The following THSD4 variants were observed in gnomAD, a reference collection of about 807,000 sequenced individuals.
THSD4 encodes the protein thrombospondin type-1 domain-containing protein 4.
Under a neutral mutation model 119.0 loss-of-function variants are expected in THSD4, and 69 were observed. That is an observed-to-expected ratio of 0.58 (90% CI 0.48 to 0.71). The LOEUF is 0.71. Ranked by LOEUF, THSD4 falls within the 30% of genes least tolerant of loss-of-function variation. THSD4 has a pLI of 0.00. For missense variants in THSD4, 1,393 were observed against 1,391.1 expected (o/e 1.00, Z -0.02); for synonymous variants, 524 against 540.4 (o/e 0.97, Z 0.42).
intron 7 of THSD4, among the ~76,000 whole-genome samples, chr15:71,545,001 T>C (rs917287219): frequency 2.6e-5 from 4 of 152,088 alleles, no homozygotes; most frequent in African/African-American, 9.7e-5. Flanking sequence ...TGCCAGGGGC[T>C]TGGAGGAGGG....
rs138974050 is a variant in THSD4 at position 71,657,342 on chromosome 15, T to A, written c.1153-3188T>A. On this transcript the variant is annotated intron_variant, in intron 7 of 17. Transcript: ENST00000261862. ...CATTCAGATCCTAGTCCAGAGGTCATTCCCCAGCCATGCCCTCCTAGACAT... is the reference window on the plus strand; with the variant it reads ...CATTCAGATCCTAGTCCAGAGGTCAATCCCCAGCCATGCCCTCCTAGACAT... Among the ~76,000 whole-genome samples the A allele has an allele frequency of 2.4e-3, 371 of 152,282 alleles. 1 individual carries two copies. Among genetic ancestry groups the A allele is most frequent in the Admixed American group, 7.0e-3 (107 of 15,280 alleles).
intron 6 of THSD4, among the ~76,000 whole-genome samples, chr15:71,310,459 T>C (rs1188668292): frequency 1.3e-5 from 2 of 152,230 alleles, no homozygotes; most frequent in African/African-American, 2.4e-5. Context: ...ATTTTTAAAG[T>C]ATCCATTTTT....
At chr15:71,402,383 A>ACATG (rs1183591699) in intron 6 of THSD4, among the ~76,000 whole-genome samples, 1 of 152,216 alleles carries the variant, frequency 6.6e-6, no homozygotes, top group African/African-American at 2.4e-5. Context: ...ATGACTATGT[A>ACATG]CATGCACTTC....
chr15:71,663,251 CA>C (rs59067309), intron 8 of THSD4, among the ~76,000 whole-genome samples: 14 of 146,244 alleles, frequency 9.6e-5, no homozygotes, highest in African/African-American at 1.0e-4. Context: ...GACACTATAT[CA>C]AAAAAAAAAG....
At chr15:71,449,619 C>T (rs2047235445) in intron 7 of THSD4, among the ~76,000 whole-genome samples, 1 of 151,350 alleles carries the variant, frequency 6.6e-6, no homozygotes, top group African/African-American at 2.4e-5. Context: ...AATCTAAAGA[C>T]ATGAAAGTCA....
chr15:71,684,721 T>G (rs957153477), intron 8 of THSD4, among the ~76,000 whole-genome samples: 2 of 152,178 alleles, frequency 1.3e-5, no homozygotes, highest in African/African-American at 4.8e-5. Flanking sequence ...CGAAGTGAGA[T>G]TGGCCTATTG....
At chr15:71,586,821 A>G (rs913862958) in intron 7 of THSD4, among the ~76,000 whole-genome samples, 17 of 152,162 alleles carry the variant, frequency 1.1e-4, no homozygotes, top group Admixed American at 3.3e-4. Context: ...CTACCACACT[A>G]TTCTGTGTTT....
chr15:71,529,444 A>G (rs1442907589), intron 7 of THSD4, among the ~76,000 whole-genome samples: 6 of 152,324 alleles, frequency 3.9e-5, no homozygotes, highest in Non-Finnish European at 7.3e-5. Context: ...TATTCAAAAT[A>G]TGCTGTGTAT....
At chr15:71,134,278 G>T (rs1253684880) in intron 1 of THSD4, among the ~76,000 whole-genome samples, 3 of 152,228 alleles carry the variant, frequency 2.0e-5, no homozygotes, top group African/African-American at 7.2e-5. Context: ...GGGCTCCAAG[G>T]TCAGCGTCCC....
At chr15:71,594,579 C>G (rs1286526397) in intron 7 of THSD4, among the ~76,000 whole-genome samples, 1 of 152,140 alleles carries the variant, frequency 6.6e-6, no homozygotes, top group Non-Finnish European at 1.5e-5. Flanking sequence ...ATCAAAGAGG[C>G]TCCCCACATT....
At chr15:71,323,186 A>G (rs1000645346) in intron 6 of THSD4, among the ~76,000 whole-genome samples, 2 of 151,310 alleles carry the variant, frequency 1.3e-5, no homozygotes, top group African/African-American at 4.9e-5. Flanking sequence ...ATCATTCTCT[A>G]TTGGTTACAC....
intron 6 of THSD4, among the ~76,000 whole-genome samples, chr15:71,322,553 T>G (rs1350262578): frequency 6.6e-6 from 1 of 152,162 alleles, no homozygotes; most frequent in Non-Finnish European, 1.5e-5. Flanking sequence ...GCAATAAATA[T>G]TTATTATCTT....
chr15:71,172,702 T>TATATATATATATATATATATATGTGAC (rs1567145367), intron 3 of THSD4, among the ~76,000 whole-genome samples: 10 of 103,048 alleles, frequency 9.7e-5, no homozygotes, highest in South Asian at 3.0e-4. Flanking sequence ...TATATATATA[T>TATATATATATATATATATATATGTGAC]ATATATATAT....
chr15:71,182,034 T>A (rs1305554086), intron 3 of THSD4, among the ~76,000 whole-genome samples: 2 of 152,240 alleles, frequency 1.3e-5, no homozygotes, highest in Non-Finnish European at 2.9e-5. Context: ...GACACAAGGA[T>A]AACTGGGGCT....
rs762224937 is a variant in THSD4 at position 71,242,655 on chromosome 15, G to A, written c.471G>A (p.Arg157=). Residue 157 remains arginine (R), a synonymous_variant, in exon 5 of 18, where the codon AGG becomes AGA. Coordinates refer to ENST00000261862, the MANE Select transcript of THSD4 (RefSeq NM_024817.3). ...CTTGTCTATCTCTCTTTAGGAGCAG[G>A]ACCCGTGGTACCATTGGCCCTGGCA... The part of the protein sequence containing the change: ...GLEVTGDRRS[R]TRGTIGPGKY... The A allele has an allele frequency of 9.3e-6, 15 of 1,613,460 alleles. No homozygotes were observed. Among genetic ancestry groups the A allele is most frequent in the Middle Eastern group, 1.6e-4 (1 of 6,082 alleles).
intron 6 of THSD4, among the ~76,000 whole-genome samples, chr15:71,284,478 G>A (rs1406172054): frequency 6.6e-6 from 1 of 152,130 alleles, no homozygotes; most frequent in Non-Finnish European, 1.5e-5. Context: ...ATTACATATA[G>A]GAATTTCGGT....
chr15:71,197,601 TGA>T (rs1567153958), intron 3 of THSD4, among the ~76,000 whole-genome samples: 1 of 152,154 alleles, frequency 6.6e-6, no homozygotes, highest in African/African-American at 2.4e-5. Flanking sequence ...TCCTGGCAGA[TGA>T]GAGGGTCCCC....
intron 4 of THSD4, among the ~76,000 whole-genome samples, chr15:71,233,679 TAAG>T (rs2044079257): frequency 6.6e-6 from 1 of 152,220 alleles, no homozygotes; most frequent in South Asian, 2.1e-4. Context: ...TTTTCCTGTT[TAAG>T]GATACTTAGA....
intron 4 of THSD4, among the ~76,000 whole-genome samples, chr15:71,218,915 A>G (rs2043954985): frequency 6.6e-6 from 1 of 152,236 alleles, no homozygotes; most frequent in African/African-American, 2.4e-5. Flanking sequence ...AACATCTACT[A>G]TGTTGTAAGG....
Sources: gnomAD v4.1 joint callset for allele counts (sites outside exome capture counted in the v4.1 genomes callset) on GRCh38, gnomAD v4.1.1 for gene constraint, MANE v1.5 for transcripts, NCBI Gene and HGNC (gene_info 2026-07-23, HGNC 2026-07-21) for gene names.